Variants in CRACD observed in about 807,000 individuals in gnomAD.
CRACD encodes capping protein-inhibiting regulator of actin dynamics.
Under a neutral mutation model 106.8 loss-of-function variants are expected in CRACD, and 56 were observed. The ratio of observed to expected loss-of-function variants is 0.52; its 90% CI spans 0.42 to 0.66. The LOEUF (loss-of-function observed/expected upper bound fraction) is 0.66, where lower values mean the gene tolerates loss of function less well. Among genes scored for constraint, CRACD ranks in the 30% least tolerant of loss-of-function variants. CRACD has a pLI of 0.00. For synonymous variants in CRACD, 754 were observed against 670.8 expected, an observed-to-expected ratio of 1.12 and a Z score of -1.92; for missense variants, 1,730 against 1,623.2, an observed-to-expected ratio of 1.07 and a Z score of -1.13.
rs1743313650 is a variant in CRACD, at chr4:56,285,943, C to CT, written c.-16-12270dup. Among the ~76,000 whole-genome samples the CT allele has an allele frequency of 2.6e-5, 4 of 152,182 alleles. No homozygotes were observed. In the East Asian group the frequency reaches 5.8e-4, roughly 22 times the overall value. On this transcript the variant is annotated intron_variant, in intron 3 of 10. Coordinates refer to ENST00000682029, the MANE Select transcript of CRACD (RefSeq NM_001393381.1). The stretch of plus-strand genomic sequence containing the variant: ...ATCCCTAAGAGGTAAGAGGTAATCC[C>CT]TACACTACACAACCTCTGTTTCATA...
rs1338223688 is a variant in CRACD, at chr4:56,214,072, A to C, written c.-189+34642A>C. 2.6e-5 allele frequency among the ~76,000 whole-genome samples: 4 copies of C among 152,112 alleles called. No homozygotes were observed. In the East Asian group the frequency reaches 7.7e-4, roughly 29 times the overall value. On this transcript the variant is annotated intron_variant, in intron 2 of 10. Transcript: ENST00000682029. The stretch of plus-strand genomic sequence containing the variant: ...TAGTCCATTCAGCTGTTTTAACAAA[A>C]TACCATCCTGGGTGGCTTATAAACA...
At chr4:56,125,755 A>ATTC (rs202032983) in intron 1 of CRACD, among the ~76,000 whole-genome samples, 2,009 of 134,642 alleles carry the variant, frequency 0.015, 33 homozygotes, top group East Asian at 0.044. Context: ...TATTACTGTC[A>ATTC]TTCTTCTTCT....
At chr4:56,322,112 T>C (rs1746141749) in intron 8 of CRACD, among the ~76,000 whole-genome samples, 2 of 152,220 alleles carry the variant, frequency 1.3e-5, no homozygotes, top group African/African-American at 4.8e-5. Flanking sequence ...CAATAACTGA[T>C]TATCTCTGAA....
rs370551389 is a variant in CRACD at position 56,085,329 on chromosome 4, T to C, written c.-336+36030T>C. On this transcript the variant is annotated intron_variant, in intron 1 of 10. Coordinates refer to ENST00000682029, the MANE Select transcript of CRACD (RefSeq NM_001393381.1). ...TTTTAAAGTTTATTTATGTGGGTCTTAAGGAAGACCTAAAGTCTCCCTTTA... is the reference window on the plus strand; with the variant it reads ...TTTTAAAGTTTATTTATGTGGGTCTCAAGGAAGACCTAAAGTCTCCCTTTA... Among the ~76,000 whole-genome samples the C allele has an allele frequency of 2.0e-5, 3 of 152,162 alleles. No homozygotes were observed. The East Asian group carries it at 5.8e-4, about 29-fold the overall frequency.
Position 56,324,140 on chromosome 4 carries a change from A to G in CRACD, c.3415A>G (p.Ser1139Gly), listed in dbSNP as rs377529466. 5.6e-6 allele frequency: 9 copies of G among 1,613,922 alleles called. No individual in the cohort carries two copies. In the African/African-American group the frequency reaches 1.2e-4, roughly 22 times the overall value. Residue 1139 changes from serine (S) to glycine (G), a missense_variant, in exon 10 of 11, where the codon AGC becomes GGC. Ser to Gly is a moderately conservative substitution (Grantham distance 56). This residue lies in a region of CRACD where 89 missense variants were observed against 89.6 expected (regional missense o/e 0.99). Transcript: ENST00000682029. The part of the protein sequence containing the change: ...VSVQPGSSSV[S>G]RAGSLHKSTA... ...CGTGCAGCCTGGAAGCAGCAGTGTC[A>G]GCAGAGCAGGTTCCCTGCACAAGTC...
chr4:56,243,208 C>A (rs1446504358), intron 2 of CRACD, among the ~76,000 whole-genome samples: 2 of 152,170 alleles, frequency 1.3e-5, no homozygotes, highest in Non-Finnish European at 2.9e-5. Context: ...TAAAAGAAAT[C>A]TGTTTGTCCT....
intron 1 of CRACD, among the ~76,000 whole-genome samples, chr4:56,142,499 A>G (rs1188663073): frequency 3.3e-5 from 5 of 152,032 alleles, no homozygotes; most frequent in African/African-American, 1.2e-4. Context: ...TTCAAGATTT[A>G]TCCTTTTTTC....
chr4:56,058,991 A>T (rs896022060), intron 1 of CRACD, among the ~76,000 whole-genome samples: 1 of 152,178 alleles, frequency 6.6e-6, no homozygotes. Flanking sequence ...GGTTTATAAA[A>T]ATATTTACAG....
At chr4:56,241,510 G>T (rs910249016) in intron 2 of CRACD, among the ~76,000 whole-genome samples, 2 of 151,910 alleles carry the variant, frequency 1.3e-5, no homozygotes, top group Non-Finnish European at 2.9e-5. Context: ...TTGGAAACCG[G>T]CATTTCTCTT....
intron 4 of CRACD, chr4:56,301,196 T>C (rs1744347621): frequency 3.1e-6 from 4 of 1,281,224 alleles, no homozygotes; most frequent in Non-Finnish European, 4.1e-6. Flanking sequence ...AACTGAATCA[T>C]CCCCAAAAAG....
At chr4:56,284,042 G>T (rs1307227467) in intron 3 of CRACD, among the ~76,000 whole-genome samples, 1 of 152,094 alleles carries the variant, frequency 6.6e-6, no homozygotes, top group African/African-American at 2.4e-5. Context: ...GCCATGATCT[G>T]AACATATTCT....
At chr4:56,093,015 G>A (rs531015373) in intron 1 of CRACD, among the ~76,000 whole-genome samples, 3 of 152,240 alleles carry the variant, frequency 2.0e-5, no homozygotes, top group African/African-American at 7.2e-5. Context: ...GAATTAGTGC[G>A]GGTGCTTTGG....
intron 1 of CRACD, among the ~76,000 whole-genome samples, chr4:56,121,019 A>G (rs1264026869): frequency 6.6e-6 from 1 of 152,218 alleles, no homozygotes; most frequent in African/African-American, 2.4e-5. Flanking sequence ...GATTAATCTC[A>G]GAACAGAAGG....
chr4:56,283,836 T>TGAC (rs1198419558), intron 3 of CRACD, among the ~76,000 whole-genome samples: 2 of 152,204 alleles, frequency 1.3e-5, no homozygotes, highest in African/African-American at 4.8e-5. Flanking sequence ...GACTGGTAAC[T>TGAC]GACACATGTA....
intron 2 of CRACD, among the ~76,000 whole-genome samples, chr4:56,196,175 C>G (rs1299793457): frequency 6.6e-6 from 1 of 152,082 alleles, no homozygotes; most frequent in Non-Finnish European, 1.5e-5. Context: ...TTGTTTCCTC[C>G]ATCTCTTCCA....
At chr4:56,089,362 G>A (rs539933371) in intron 1 of CRACD, among the ~76,000 whole-genome samples, 3 of 152,166 alleles carry the variant, frequency 2.0e-5, no homozygotes, top group East Asian at 1.9e-4. Flanking sequence ...TTCACTTTGC[G>A]GATTTGTTTT....
intron 2 of CRACD, among the ~76,000 whole-genome samples, chr4:56,189,788 T>TC (rs1314778925): frequency 6.7e-6 from 1 of 148,514 alleles, no homozygotes; most frequent in Non-Finnish European, 1.5e-5. Flanking sequence ...TTTCTTTTTT[T>TC]CTTTTTTTAA....
chr4:56,193,044 AAAAAGCGG>A (rs1737449600), intron 2 of CRACD, among the ~76,000 whole-genome samples: 1 of 152,208 alleles, frequency 6.6e-6, no homozygotes, highest in African/African-American at 2.4e-5. Flanking sequence ...ATTTATAAAG[AAAAAGCGG>A]TATAATGGAC....
chr4:56,181,032 G>A (rs1000023443), intron 2 of CRACD, among the ~76,000 whole-genome samples: 3 of 152,200 alleles, frequency 2.0e-5, no homozygotes, highest in Admixed American at 6.5e-5. Context: ...CACCTACAGT[G>A]AACTAGGTAC....
Sources: gnomAD v4.1 joint callset for allele counts (sites outside exome capture counted in the v4.1 genomes callset) on GRCh38, gnomAD v4.1.1 for gene constraint, gnomAD v4.1.1 regional missense constraint, MANE v1.5 for transcripts, NCBI Gene and HGNC (gene_info 2026-07-23, HGNC 2026-07-21) for gene names.